VLDLR: variants seen among roughly 807,000 people sequenced by gnomAD.
VLDLR encodes the protein very low density lipoprotein receptor.
In VLDLR, 81 loss-of-function variants were observed where a neutral mutation model predicts 112.7. That is an observed-to-expected ratio of 0.72 (90% CI 0.60 to 0.86). The LOEUF (loss-of-function observed/expected upper bound fraction) is 0.86, where lower values mean the gene tolerates loss of function less well. Among genes scored for constraint, VLDLR ranks in the 40% least tolerant of loss-of-function variants. VLDLR has a pLI of 0.00. For missense variants in VLDLR, 1,237 were observed against 1,099.4 expected, an observed-to-expected ratio of 1.13 and a Z score of -1.77; for synonymous variants, 436 against 384.8, an observed-to-expected ratio of 1.13 and a Z score of -1.56.
intron 14 of VLDLR, among the ~76,000 whole-genome samples, chr9:2,649,026 G>T (rs1375593021): frequency 1.3e-5 from 2 of 152,142 alleles, no homozygotes; most frequent in Non-Finnish European, 2.9e-5. Flanking sequence ...TTCCTCCCAA[G>T]CCTCAGTGTC....
At chr9:2,627,005 T>G (rs1817121638) in intron 1 of VLDLR, among the ~76,000 whole-genome samples, 2 of 152,232 alleles carry the variant, frequency 1.3e-5, no homozygotes, top group Admixed American at 1.3e-4. Context: ...AACCACTTAA[T>G]GTACATCTAC....
intron 1 of VLDLR, among the ~76,000 whole-genome samples, chr9:2,631,537 T>C (rs1303853839): frequency 6.6e-6 from 1 of 152,198 alleles, no homozygotes; most frequent in Non-Finnish European, 1.5e-5. Context: ...TTGGAGGTCA[T>C]TATGCTAAGG....
rs995144753 is a variant in VLDLR, at chr9:2,648,453, G to C, written c.1962+106G>C. ...AGGGAAGAGCAGCTGAACATGGCTT[G>C]AGAAACTGCTTTCACTTAAAACCTG... On this transcript the variant is annotated intron_variant, in intron 13 of 18. Coordinates refer to ENST00000382100, the MANE Select transcript of VLDLR (RefSeq NM_003383.5). 3 of 1,572,136 alleles carry C rather than the reference G, an allele frequency of 1.9e-6. No homozygotes were observed. In the African/African-American group the frequency reaches 4.1e-5, roughly 21 times the overall value.
intron 18 of VLDLR, 82 bp downstream of exon 18, chr9:2,653,031 C>A: frequency 6.5e-7 from 1 of 1,538,918 alleles, no homozygotes; most frequent in Non-Finnish European, 9.0e-7. Context: ...GAGAGAGAGC[C>A]ATTAGGATGA....
intron 15 of VLDLR, 77 bp downstream of exon 15, chr9:2,650,593 G>A: frequency 6.3e-7 from 1 of 1,581,476 alleles, no homozygotes; most frequent in South Asian, 1.1e-5. Context: ...GGATTTTTAA[G>A]AATTCTGTCT....
intron 1 of VLDLR, among the ~76,000 whole-genome samples, chr9:2,629,216 G>A (rs1051711426): frequency 6.6e-6 from 1 of 152,198 alleles, no homozygotes; most frequent in Admixed American, 6.5e-5. Flanking sequence ...GCTTGAGAAC[G>A]ACTGACTTAG....
intron 5 of VLDLR, 43 bp downstream of exon 5, chr9:2,643,574 T>A: frequency 6.2e-7 from 1 of 1,614,216 alleles, no homozygotes; most frequent in Non-Finnish European, 8.5e-7. Flanking sequence ...CTCTTCCCTG[T>A]ATCAACTGGG....
intron 3 of VLDLR, among the ~76,000 whole-genome samples, chr9:2,641,038 C>T (rs955433663): frequency 1.3e-5 from 2 of 152,136 alleles, no homozygotes; most frequent in Admixed American, 6.5e-5. Context: ...TCTAGGTGTG[C>T]CCACTTGACA....
In VLDLR at chr9:2,651,400, GT is replaced by G. The variant is rs766337424; in HGVS notation, c.2252-10del. On this transcript the variant is annotated splice_polypyrimidine_tract_variant and intron_variant, in intron 15 of 18. Coordinates refer to ENST00000382100, the MANE Select transcript of VLDLR (RefSeq NM_003383.5). ...AACCCTGGCATTAACCAGGTTCTTG[GT>G]TTTTATAATTCAGGTACTGCAACTA... 2.8e-5 allele frequency: 45 copies of G among 1,612,382 alleles called. 1 individual carries two copies. The South Asian group carries it at 4.9e-4, about 18-fold the overall frequency.
chr9:2,641,852 T>C lies in VLDLR; in HGVS notation c.448+353T>C, dbSNP rs57191495. Among the ~76,000 whole-genome samples the C allele has an allele frequency of 1.7e-3, 261 of 151,898 alleles. 1 individual carries two copies. Among genetic ancestry groups the C allele is most frequent in the African/African-American group, 6.0e-3 (248 of 41,402 alleles). ...TGGCACAATAAAATTAGAAGGTGAG[T>C]AGGGTTGGCAAACACATTCATAGGT... On this transcript the variant is annotated intron_variant, in intron 4 of 18. Transcript: ENST00000382100.
chr9:2,638,708 G>C (rs937127057), intron 2 of VLDLR, among the ~76,000 whole-genome samples: 9 of 152,184 alleles, frequency 5.9e-5, no homozygotes, highest in African/African-American at 2.2e-4. Flanking sequence ...TGCTGAGACT[G>C]TCCCAGTTTG....
At chr9:2,623,083 A>C (rs1397624393) in intron 1 of VLDLR, among the ~76,000 whole-genome samples, 1 of 152,180 alleles carries the variant, frequency 6.6e-6, no homozygotes, top group Non-Finnish European at 1.5e-5. Context: ...CCTCGAGAGG[A>C]ATTGAGTCCT....
rs1416364533 is a variant in VLDLR at position 2,629,807 on chromosome 9, TG to T, written c.83-5645del. Among the ~76,000 whole-genome samples, 164 of 152,330 alleles carry T rather than the reference TG, an allele frequency of 1.1e-3. 1 individual carries two copies. The highest frequency in any genetic ancestry group is 3.5e-3 in the African/African-American group (147 of 41,582). On this transcript the variant is annotated intron_variant, in intron 1 of 18. Coordinates refer to ENST00000382100, the MANE Select transcript of VLDLR (RefSeq NM_003383.5). The stretch of plus-strand genomic sequence containing the variant: ...GTGTTTTTGTTGCTGTTTGTTTGTT[TG>T]TTTTCGAGATGGAGTTTCACTCTTG...
rs1282160910 is a variant in VLDLR, at chr9:2,658,972, AC to A, written c.*5105del. ...AGACTGCATGGTTTAAACCCTAGAA[AC>A]ATAAATGGAATGTTTCTGCCTCAGT... On this transcript the variant is annotated 3_prime_UTR_variant, in exon 19 of 19. Transcript: ENST00000382100. 1 of 152,150 alleles carries A rather than the reference AC, an allele frequency of 6.6e-6. No individual in the cohort carries two copies. The highest frequency in any genetic ancestry group is 2.4e-5 in the African/African-American group (1 of 41,452). The allele number at this position is 152,150 out of a possible 1,614,324, so 9.4% of individuals were successfully genotyped here.
At chr9:2,629,940 G>T (rs192672803) in intron 1 of VLDLR, among the ~76,000 whole-genome samples, 4 of 152,278 alleles carry the variant, frequency 2.6e-5, no homozygotes, top group Admixed American at 2.0e-4. Context: ...GGGATTACAG[G>T]TGTGTGTAAT....
chr9:2,640,304 C>T (rs1395642196), intron 3 of VLDLR, among the ~76,000 whole-genome samples: 1 of 152,184 alleles, frequency 6.6e-6, no homozygotes, highest in Admixed American at 6.5e-5. Context: ...GCAGATGGTA[C>T]TCTGGTCCTG....
At chr9:2,635,394 T>G in intron 1 of VLDLR, 59 bp from the exon 2 acceptor site, 1 of 1,611,712 alleles carries the variant, frequency 6.2e-7, no homozygotes, top group Non-Finnish European at 8.5e-7. Context: ...CCATGGGTAT[T>G]AGGTATCTTG....
In VLDLR at chr9:2,626,832, G is replaced by A. The variant is rs558104427; in HGVS notation, c.82+4561G>A. The stretch of plus-strand genomic sequence containing the variant: ...ATCACAAGTTTGTTAGAACTTAATA[G>A]TTCTCCCACATGCTGTGAGTAAACA... On this transcript the variant is annotated intron_variant, in intron 1 of 18. Transcript: ENST00000382100. Among the ~76,000 whole-genome samples, 31 of 152,262 alleles carry A rather than the reference G, an allele frequency of 2.0e-4. No individual in the cohort carries two copies. In the South Asian group the frequency reaches 6.2e-3, roughly 30 times the overall value.
chr9:2,648,370 G>A (rs1039220032), intron 13 of VLDLR, 23 bp downstream of exon 13: 3 of 1,613,894 alleles, frequency 1.9e-6, no homozygotes, highest in Non-Finnish European at 1.7e-6. Flanking sequence ...TCACATCAAA[G>A]TGTGTACCTT....
Sources: allele counts gnomAD v4.1 joint callset (sites outside exome capture counted in the v4.1 genomes callset), GRCh38; gene constraint gnomAD v4.1.1; transcripts MANE v1.5; gene names NCBI Gene and HGNC (gene_info 2026-07-23, HGNC 2026-07-21).